Variants in ERBB4 observed in about 807,000 individuals in gnomAD.
ERBB4 encodes receptor tyrosine-protein kinase erbB-4.
In ERBB4, 42 loss-of-function variants were observed where a neutral mutation model predicts 158.0. That is an observed-to-expected ratio of 0.27 (90% CI 0.21 to 0.34). The LOEUF (loss-of-function observed/expected upper bound fraction) is 0.34, where lower values mean the gene tolerates loss of function less well. Ranked by LOEUF, ERBB4 falls within the 10% of genes least tolerant of loss-of-function variation. The pLI, the probability that ERBB4 is intolerant of heterozygous loss-of-function variation, is 1.00. For synonymous variants in ERBB4, 583 were observed against 558.7 expected (o/e 1.04, Z -0.61); for missense variants, 1,333 against 1,624.1 (o/e 0.82, Z 3.08).
At chr2:211,780,380 CAAAAG>C (rs1343510434) in intron 4 of ERBB4, among the ~76,000 whole-genome samples, 3 of 151,938 alleles carry the variant, frequency 2.0e-5, no homozygotes, top group Admixed American at 1.3e-4. Context: ...AAAAAATAAA[CAAAAG>C]AAAAGAAAAT....
intron 2 of ERBB4, among the ~76,000 whole-genome samples, chr2:212,065,976 T>C (rs557686623): frequency 2.0e-5 from 3 of 152,102 alleles, no homozygotes; most frequent in East Asian, 1.9e-4. Flanking sequence ...CCAGGAATAT[T>C]AGGTAATTTT....
intron 1 of ERBB4, among the ~76,000 whole-genome samples, chr2:212,424,255 C>A (rs554684349): frequency 6.6e-6 from 1 of 152,098 alleles, no homozygotes; most frequent in African/African-American, 2.4e-5. Context: ...ACTGATGAGT[C>A]ATTAAATAAA....
intron 2 of ERBB4, among the ~76,000 whole-genome samples, chr2:212,003,485 C>T (rs897605809): frequency 6.6e-6 from 1 of 152,068 alleles, no homozygotes; most frequent in African/African-American, 2.4e-5. Flanking sequence ...AGCCAGGGAA[C>T]CTAACAGCCA....
chr2:211,826,456 C>G (rs2077101345), intron 3 of ERBB4, among the ~76,000 whole-genome samples: 1 of 151,758 alleles, frequency 6.6e-6, no homozygotes, highest in Non-Finnish European at 1.5e-5. Flanking sequence ...GTGTTTCCAT[C>G]CATAGCCCTT....
chr2:211,395,596 T>C (rs921265601), intron 25 of ERBB4, among the ~76,000 whole-genome samples: 3 of 127,640 alleles, frequency 2.4e-5, no homozygotes, highest in Admixed American at 8.7e-5. Flanking sequence ...GCAAAGTAAA[T>C]TTAGTGACAC....
At chr2:212,403,229 C>G (rs920355674) in intron 1 of ERBB4, among the ~76,000 whole-genome samples, 1 of 152,026 alleles carries the variant, frequency 6.6e-6, no homozygotes, top group Non-Finnish European at 1.5e-5. Flanking sequence ...GGTTTCATTT[C>G]TCTGGCTGCA....
chr2:212,317,646 T>C (rs892286014), intron 1 of ERBB4, among the ~76,000 whole-genome samples: 1 of 151,626 alleles, frequency 6.6e-6, no homozygotes, highest in African/African-American at 2.4e-5. Context: ...CAGAAGTTTC[T>C]AAATAAAGAG....
chr2:211,854,297 T>C (rs768795003), intron 3 of ERBB4, among the ~76,000 whole-genome samples: 2 of 144,000 alleles, frequency 1.4e-5, no homozygotes, highest in African/African-American at 2.5e-5. Flanking sequence ...ATCATATGTG[T>C]AGTTTGGATA....
At chr2:211,718,493 C>A (rs1414308753) in intron 7 of ERBB4, among the ~76,000 whole-genome samples, 1 of 152,034 alleles carries the variant, frequency 6.6e-6, no homozygotes, top group Non-Finnish European at 1.5e-5. Flanking sequence ...TTTTATGATT[C>A]CATATATCTT....
chr2:212,006,829 AT>A (rs1226970788), intron 2 of ERBB4, among the ~76,000 whole-genome samples: 2 of 152,056 alleles, frequency 1.3e-5, no homozygotes, highest in Non-Finnish European at 2.9e-5. Context: ...TTGTCAATGT[AT>A]TTATTAAAAT....
chr2:212,349,101 TC>T (rs2089141877), intron 1 of ERBB4, among the ~76,000 whole-genome samples: 2 of 152,132 alleles, frequency 1.3e-5, no homozygotes, highest in African/African-American at 4.8e-5. Flanking sequence ...AATATAGGTA[TC>T]ATGAGGTGAT....
At chr2:211,549,387 G>A (rs923990716) in intron 20 of ERBB4, among the ~76,000 whole-genome samples, 1 of 152,008 alleles carries the variant, frequency 6.6e-6, no homozygotes, top group African/African-American at 2.4e-5. Flanking sequence ...TCTAGAGGGG[G>A]CTGGTAGTGG....
intron 5 of ERBB4, among the ~76,000 whole-genome samples, chr2:211,747,964 T>C (rs1384323568): frequency 6.6e-6 from 1 of 151,998 alleles, no homozygotes; most frequent in Non-Finnish European, 1.5e-5. Context: ...ACACACATCA[T>C]CCTATATACT....
Position 211,403,774 on chromosome 2 carries a change from T to C in ERBB4, c.3136-15782A>G, listed in dbSNP as rs79875391. ...ACTCAATCGGTTCTTCTGCCTTTTA[T>C]TTTTTTCTGCTCCTCAATTAATCCC... On this transcript the variant is annotated intron_variant, in intron 25 of 27. Coordinates refer to ENST00000342788, the MANE Select transcript of ERBB4 (RefSeq NM_005235.3). 4.3e-3 allele frequency among the ~76,000 whole-genome samples: 661 copies of C among 152,262 alleles called. 2 individuals are homozygous for C. The highest frequency in any genetic ancestry group is 6.9e-3 in the Non-Finnish European group (471 of 68,006).
chr2:211,421,197 A>AAGTT (rs572836353), intron 24 of ERBB4, among the ~76,000 whole-genome samples: 125 of 151,608 alleles, frequency 8.2e-4, no homozygotes, highest in Admixed American at 3.3e-3. Context: ...TATATTTTTA[A>AAGTT]AGTTACATAA....
rs187349303 is a variant in ERBB4, at chr2:211,415,505, T to C, written c.3135+4936A>G. ...CTGGTTTATGCATCATAAGGAAACA[T>C]AGCAAAATATAATAAATCTTACAGG... On this transcript the variant is annotated intron_variant, in intron 25 of 27. Transcript: ENST00000342788. Among the ~76,000 whole-genome samples, 22 of 152,318 alleles carry C rather than the reference T, an allele frequency of 1.4e-4. No homozygotes were observed. In the East Asian group the frequency reaches 4.0e-3, roughly 28 times the overall value.
chr2:211,520,090 G>T (rs369466135), intron 20 of ERBB4, among the ~76,000 whole-genome samples: 4 of 152,056 alleles, frequency 2.6e-5, no homozygotes, highest in Non-Finnish European at 4.4e-5. Context: ...GTTTAGAAAG[G>T]GTGTAATAAA....
At chr2:211,796,367 G>A (rs2076383086) in intron 3 of ERBB4, among the ~76,000 whole-genome samples, 1 of 151,866 alleles carries the variant, frequency 6.6e-6, no homozygotes, top group African/African-American at 2.4e-5. Flanking sequence ...CTGCATTGAT[G>A]GGCATTTGGA....
intron 20 of ERBB4, among the ~76,000 whole-genome samples, chr2:211,544,442 T>C (rs2066891255): frequency 6.6e-6 from 1 of 151,962 alleles, no homozygotes; most frequent in South Asian, 2.1e-4. Context: ...CAATAGAGTG[T>C]CCCTGAGAGA....
Sources: allele counts gnomAD v4.1 joint callset (sites outside exome capture counted in the v4.1 genomes callset), GRCh38; gene constraint gnomAD v4.1.1; transcripts MANE v1.5; gene names NCBI Gene and HGNC (gene_info 2026-07-23, HGNC 2026-07-21).